HACD2: variants seen among roughly 807,000 people sequenced by gnomAD.
HACD2 encodes the protein 3-hydroxyacyl-CoA dehydratase 2, also known as very-long-chain (3R)-3-hydroxyacyl-CoA dehydratase 2.
HACD2 carries 15 observed loss-of-function variants against 31.0 expected under a neutral mutation model. The observed-to-expected ratio is 0.48, with a 90% CI of 0.32 to 0.75. The LOEUF is 0.75. HACD2 is among the 30% of genes least tolerant of loss of function. HACD2 has a pLI of 0.03. For missense variants in HACD2, 283 were observed against 313.0 expected, an observed-to-expected ratio of 0.90 and a Z score of 0.72; for synonymous variants, 115 against 122.2, an observed-to-expected ratio of 0.94 and a Z score of 0.39.
intron 4 of HACD2, among the ~76,000 whole-genome samples, chr3:123,522,345 A>AG (rs1195917972): frequency 2.0e-5 from 3 of 150,748 alleles, no homozygotes; most frequent in Non-Finnish European, 4.4e-5. Context: ...AAAAAAAAAA[A>AG]AAAAGAGAGA....
chr3:123,578,674 G>C (rs1336991406), intron 2 of HACD2, among the ~76,000 whole-genome samples: 1 of 152,160 alleles, frequency 6.6e-6, no homozygotes, highest in Non-Finnish European at 1.5e-5. Context: ...TTAAGAAGAT[G>C]TGAAATTGGA....
At chr3:123,541,684 G>C (rs374428971) in intron 3 of HACD2, among the ~76,000 whole-genome samples, 2 of 152,304 alleles carry the variant, frequency 1.3e-5, no homozygotes. Flanking sequence ...AAGGTAAAGT[G>C]ACTTGCCAAG....
At chr3:123,510,127 T>C (rs892014572) in intron 4 of HACD2, among the ~76,000 whole-genome samples, 1 of 152,218 alleles carries the variant, frequency 6.6e-6, no homozygotes. Context: ...ACAGAAACTC[T>C]GTACCCATTA....
chr3:123,536,300 C>A (rs1225112759), intron 3 of HACD2, among the ~76,000 whole-genome samples: 1 of 152,194 alleles, frequency 6.6e-6, no homozygotes, highest in Non-Finnish European at 1.5e-5. Flanking sequence ...ACAACTGAAT[C>A]TTCAATACTG....
intron 3 of HACD2, among the ~76,000 whole-genome samples, chr3:123,530,260 T>TA (rs1264384593): frequency 1.3e-5 from 2 of 151,922 alleles, no homozygotes; most frequent in South Asian, 2.1e-4. Flanking sequence ...TTTCTTTTTT[T>TA]AAAAAAAAGA....
At chr3:123,551,191 G>A (rs911130829) in intron 3 of HACD2, among the ~76,000 whole-genome samples, 6 of 152,056 alleles carry the variant, frequency 3.9e-5, no homozygotes, top group African/African-American at 7.2e-5. Flanking sequence ...CCCTTTCGGC[G>A]AAACATTTGT....
intron 4 of HACD2, among the ~76,000 whole-genome samples, chr3:123,520,147 A>G (rs1295996927): frequency 6.6e-6 from 1 of 152,198 alleles, no homozygotes; most frequent in Non-Finnish European, 1.5e-5. Flanking sequence ...TCTGCAGTGC[A>G]TGAGGAGAAC....
chr3:123,499,571 C>T (rs768979557), intron 6 of HACD2: 93 of 445,620 alleles, frequency 2.1e-4, no homozygotes, highest in African/African-American at 1.5e-3. Flanking sequence ...ACAAGCATGT[C>T]GCTTTGTTAG....
chr3:123,560,527 C>T (rs1012035640), intron 3 of HACD2, among the ~76,000 whole-genome samples: 1 of 152,114 alleles, frequency 6.6e-6, no homozygotes, highest in South Asian at 2.1e-4. Flanking sequence ...ATCCCTTTCT[C>T]CCCCATCCCC....
In HACD2 at chr3:123,530,008, G is replaced by C. The variant is rs1690768339; in HGVS notation, c.293-1534C>G. 2.0e-5 allele frequency among the ~76,000 whole-genome samples: 3 copies of C among 151,952 alleles called. No individual in the cohort carries two copies. The South Asian group carries it at 6.2e-4, about 32-fold the overall frequency. Reference sequence around the variant, plus strand: ...CTTGTAAAATAATGTTTAATATTTAGGAAAATGGCAGAATTGTACTCTTCC... The same window carrying C: ...CTTGTAAAATAATGTTTAATATTTACGAAAATGGCAGAATTGTACTCTTCC... On this transcript the variant is annotated intron_variant, in intron 3 of 6. Coordinates refer to ENST00000383657, the MANE Select transcript of HACD2 (RefSeq NM_198402.5).
At chr3:123,543,608 T>C (rs1378435986) in intron 3 of HACD2, 3 of 350,946 alleles carry the variant, frequency 8.5e-6, no homozygotes, top group African/African-American at 4.4e-5. Context: ...ATAAACTCAT[T>C]TAAAGTGTCA....
chr3:123,496,084 T>C (rs2055828895), intron 6 of HACD2, among the ~76,000 whole-genome samples: 1 of 152,238 alleles, frequency 6.6e-6, no homozygotes, highest in Admixed American at 6.5e-5. Flanking sequence ...TGGTATGCAG[T>C]GGTGTGATCT....
intron 3 of HACD2, among the ~76,000 whole-genome samples, chr3:123,558,225 A>C (rs1014985591): frequency 2.6e-5 from 4 of 152,246 alleles, no homozygotes; most frequent in African/African-American, 9.6e-5. Context: ...CCATGGAGAC[A>C]GTGGAAAGAT....
intron 4 of HACD2, chr3:123,502,969 A>G: frequency 3.1e-6 from 1 of 318,406 alleles, no homozygotes; most frequent in East Asian, 5.8e-5. Context: ...TGCCAGCCTC[A>G]TGCGGAGAAT....
chr3:123,573,532 C>T (rs1278207477), intron 2 of HACD2, among the ~76,000 whole-genome samples: 1 of 152,192 alleles, frequency 6.6e-6, no homozygotes, highest in Non-Finnish European at 1.5e-5. Context: ...TCTTCTAAGA[C>T]AGCCCATCTG....
intron 4 of HACD2, among the ~76,000 whole-genome samples, chr3:123,519,963 C>T (rs1454188391): frequency 2.6e-5 from 4 of 152,176 alleles, no homozygotes; most frequent in Admixed American, 6.5e-5. Context: ...GGGATAATAA[C>T]GCTGACTGTA....
chr3:123,584,806 C>G, intron 1 of HACD2, 67 bp downstream of exon 1: 1 of 1,294,072 alleles, frequency 7.7e-7, no homozygotes, highest in Non-Finnish European at 1.0e-6. Context: ...CTATCCGCCC[C>G]GCCGCTGGCC....
chr3:123,584,927 G>T lies in HACD2; in HGVS notation c.101C>A (p.Pro34Gln), dbSNP rs748046625. Residue 34 changes from proline to glutamine, a missense_variant, in exon 1 of 7, where the codon CCG becomes CAG. Physicochemically the swap from Pro to Gln is moderately conservative, Grantham distance 76. This residue lies in a region of HACD2 where 158 missense variants were observed against 148.3 expected (regional missense o/e 1.07). Transcript: ENST00000383657. ...DASGTRKKKG[P>Q]GPLATAYLVI... ...CAGGTACGCCGTGGCCAGGGGCCCC[G>T]GGCCCTTCTTCTTCCGCGTGCCGCT... 1 of 1,529,846 alleles carries T rather than the reference G, an allele frequency of 6.5e-7. No individual in the cohort carries two copies. Among genetic ancestry groups the T allele is most frequent in the South Asian group, 1.2e-5 (1 of 82,520 alleles). 94.8% of individuals were successfully genotyped at this position (1,529,846 alleles called of 1,614,324 possible).
At chr3:123,574,531 T>G (rs1234121399) in intron 2 of HACD2, among the ~76,000 whole-genome samples, 2 of 152,180 alleles carry the variant, frequency 1.3e-5, no homozygotes, top group African/African-American at 4.8e-5. Flanking sequence ...TTAACAGGAT[T>G]TGTAGATGTA....
Sources: gnomAD v4.1 joint callset for allele counts (sites outside exome capture counted in the v4.1 genomes callset) on GRCh38, gnomAD v4.1.1 for gene constraint, gnomAD v4.1.1 regional missense constraint, MANE v1.5 for transcripts, NCBI Gene and HGNC (gene_info 2026-07-23, HGNC 2026-07-21) for gene names.